The following PRSS22 variants were observed in gnomAD, a reference collection of about 807,000 sequenced individuals.
PRSS22 encodes the protein serine protease 22.
Under a neutral mutation model 28.0 loss-of-function variants are expected in PRSS22, and 26 were observed. That is an observed-to-expected ratio of 0.93 (90% CI 0.68 to 1.29). PRSS22 has a LOEUF of 1.29. PRSS22 is among the 50% of genes most tolerant of loss of function. The probability of loss-of-function intolerance (pLI) is 0.00; values close to 1 mark genes in which losing one functional copy is unlikely to be tolerated. For missense variants in PRSS22, 444 were observed against 422.1 expected, an observed-to-expected ratio of 1.05 and a Z score of -0.46; for synonymous variants, 217 against 177.9, an observed-to-expected ratio of 1.22 and a Z score of -1.75.
Position 2,858,076 on chromosome 16 carries a change from AG to A in PRSS22, c.28del (p.Leu10TrpfsTer38). On this transcript the variant is annotated frameshift_variant, in exon 1 of 6. Coordinates refer to ENST00000161006, the MANE Select transcript of PRSS22 (RefSeq NM_022119.4). LOFTEE classifies it high-confidence loss of function. The stretch of plus-strand genomic sequence containing the variant: ...GAAGGTGCCGAGACAGCCCCCACCC[AG>A]GGCTGGGGGCGCTCCAGAAACCACC... MVVSGAPPA[L>X]GGGCLGTFTS... 1 of 1,275,860 alleles carries A rather than the reference AG, an allele frequency of 7.8e-7. No individual in the cohort carries two copies. The highest frequency in any genetic ancestry group is 1.0e-6 in the Non-Finnish European group (1 of 1,003,292). The allele number at this position is 1,275,860 out of a possible 1,614,324, so 79.0% of individuals were successfully genotyped here.
At position 2,858,168 on chromosome 16, in the gene PRSS22, T is replaced by G; in HGVS notation, c.-64A>C. ...ACCCAGGGCGATGCGGGTCAGGGTG[T>G]GTAGGTTCCCTGCAGGTCGCCCCAG... On this transcript the variant is annotated 5_prime_UTR_variant, in exon 1 of 6. Transcript: ENST00000161006. 8.1e-7 allele frequency: 1 copy of G among 1,241,216 alleles called. No homozygotes were observed. 76.9% of individuals were successfully genotyped at this position (1,241,216 alleles called of 1,614,324 possible). A position where few individuals can be genotyped will look rare whatever the true frequency, so the allele number is the denominator to read the frequency against.
rs33950878 is a variant in PRSS22, at chr16:2,855,347, C to CAAAAAAAAA, written c.559+218_559+226dup. ...TGGGTGACAGAGTAACACCCTGTCT[C>CAAAAAAAAA]AAAAAAAAAAAAAAAAAAAAGAAGA... On this transcript the variant is annotated intron_variant, in intron 4 of 5. Coordinates refer to ENST00000161006, the MANE Select transcript of PRSS22 (RefSeq NM_022119.4). 9.0e-3 allele frequency among the ~76,000 whole-genome samples: 620 copies of CAAAAAAAAA among 68,948 alleles called. 41 individuals are homozygous for CAAAAAAAAA. The highest frequency in any genetic ancestry group is 0.035 in the African/African-American group (555 of 15,770). 45.2% of individuals were successfully genotyped at this position (68,948 alleles called of 152,430 possible).
At chr16:2,854,801 C>G (rs1211943822) in intron 4 of PRSS22, among the ~76,000 whole-genome samples, 1 of 152,084 alleles carries the variant, frequency 6.6e-6, no homozygotes. Context: ...TGATGTTTTC[C>G]AAACCTCCAG....
chr16:2,852,996 A>C lies in PRSS22; in HGVS notation c.*97T>G. Reference sequence around the variant, plus strand: ...CCCAGAGGTAGAGGTAGATGAGCCTATTTACGGCGGGGGAAACCGCCCGAG... The same window carrying C: ...CCCAGAGGTAGAGGTAGATGAGCCTCTTTACGGCGGGGGAAACCGCCCGAG... On this transcript the variant is annotated 3_prime_UTR_variant, in exon 6 of 6. Transcript: ENST00000161006. The C allele has an allele frequency of 2.5e-6, 2 of 812,656 alleles. No homozygotes were observed. Among genetic ancestry groups the C allele is most frequent in the Non-Finnish European group, 3.7e-6 (2 of 538,380 alleles). The allele number at this position is 812,656 out of a possible 1,614,324, so 50.3% of individuals were successfully genotyped here.
chr16:2,857,769 G>A (rs1008867175), intron 1 of PRSS22: 8 of 363,980 alleles, frequency 2.2e-5, no homozygotes, highest in Non-Finnish European at 3.9e-5. Context: ...ACACGGAGGC[G>A]AGAGGGAGCA....
Position 2,853,445 on chromosome 16 carries a change from T to A in PRSS22, c.718-116A>T. ...TTCCCGGGAGCCCGTTTCTCCTTCC[T>A]GGAGGAGACAGGACCTGAGCTCCAC... On this transcript the variant is annotated intron_variant, in intron 5 of 5. Transcript: ENST00000161006. The surrounding 1 kb of genome is among the most constrained non-coding windows in gnomAD (Gnocchi z 4.6). 1 of 832,160 alleles carries A rather than the reference T, an allele frequency of 1.2e-6. No homozygotes were observed. Among genetic ancestry groups the A allele is most frequent in the Non-Finnish European group, 1.8e-6 (1 of 541,184 alleles). The allele number at this position is 832,160 out of a possible 1,614,324, so 51.5% of individuals were successfully genotyped here.
chr16:2,855,978 A>G (rs959709255), intron 3 of PRSS22, 104 bp downstream of exon 3: 2 of 1,521,372 alleles, frequency 1.3e-6, no homozygotes, highest in African/African-American at 1.4e-5. Flanking sequence ...GGGCACCAAG[A>G]TTGAACAGAG....
chr16:2,853,740 G>T lies in PRSS22; in HGVS notation c.717+125C>A. On this transcript the variant is annotated intron_variant, in intron 5 of 5. Transcript: ENST00000161006. This position sits in a 1 kb window ranked among gnomAD's most constrained non-coding sequence, Gnocchi z 4.6. Reference sequence around the variant, plus strand: ...GCTGGTTCTATGGGGACCCGGGACTGTCAGGCACAGCCAGTTCTGGGGAGG... The same window carrying T: ...GCTGGTTCTATGGGGACCCGGGACTTTCAGGCACAGCCAGTTCTGGGGAGG... The T allele has an allele frequency of 9.0e-7, 1 of 1,106,932 alleles. No homozygotes were observed. Among genetic ancestry groups the T allele is most frequent in the Non-Finnish European group, 1.3e-6 (1 of 782,066 alleles). 68.6% of individuals were successfully genotyped at this position (1,106,932 alleles called of 1,614,324 possible).
intron 1 of PRSS22, chr16:2,857,818 C>T: frequency 2.5e-6 from 1 of 401,996 alleles, no homozygotes; most frequent in Non-Finnish European, 4.3e-6. Context: ...GACCGAGGCG[C>T]GCTGCGTACT....
At chr16:2,856,734 C>T in intron 2 of PRSS22, 88 bp downstream of exon 2, 1 of 1,461,248 alleles carries the variant, frequency 6.8e-7, no homozygotes, top group Non-Finnish European at 9.4e-7. Flanking sequence ...CCCTTTCTGA[C>T]CTGTGCCCAG....
Position 2,853,842 on chromosome 16 carries a change from G to A in PRSS22, c.717+23C>T, listed in dbSNP as rs536551659. 4.3e-6 allele frequency: 7 copies of A among 1,612,504 alleles called. No individual in the cohort carries two copies. The highest frequency in any genetic ancestry group is 5.1e-6 in the Non-Finnish European group (6 of 1,179,708). On this transcript the variant is annotated intron_variant, in intron 5 of 5. Transcript: ENST00000161006. This position sits in a 1 kb window ranked among gnomAD's most constrained non-coding sequence, Gnocchi z 4.6. ...CTTCCCGAGGCCCTCCTGGCCAGGG[G>A]TGGGGGGCTCGAGGGAGCTCACCAG...
intron 4 of PRSS22, 29 bp downstream of exon 4, chr16:2,855,545 C>T (rs2069446621): frequency 6.2e-7 from 1 of 1,612,516 alleles, no homozygotes; most frequent in Non-Finnish European, 8.5e-7. Context: ...CATCTGCCCC[C>T]AACCACCTTG....
chr16:2,855,629 G>A lies in PRSS22; in HGVS notation c.504C>T (p.His168=), dbSNP rs746106858. 6.2e-7 allele frequency: 1 copy of A among 1,614,144 alleles called. No homozygotes were observed. The highest frequency in any genetic ancestry group is 8.5e-7 in the Non-Finnish European group (1 of 1,180,026). The change falls in exon 4 of 6, where the codon CAC becomes CAT. Residue 168 remains histidine (H), a synonymous_variant. Transcript: ENST00000161006. The part of the protein sequence containing the change: ...LPICLPDASI[H]LPPNTHCWIS... ...TCCAGCAGTGGGTGTTTGGAGGGAG[G>A]TGGATAGAGGCATCAGGTAGGCAGA... is the stretch of plus-strand genomic sequence containing the variant.
chr16:2,853,838 AG>A lies in PRSS22; in HGVS notation c.717+26del, dbSNP rs1347355659. 2.5e-6 allele frequency: 4 copies of A among 1,611,884 alleles called. No individual in the cohort carries two copies. Reference sequence around the variant, plus strand: ...GCTCCTTCCCGAGGCCCTCCTGGCCAGGGGTGGGGGGCTCGAGGGAGCTCAC... The same window carrying A: ...GCTCCTTCCCGAGGCCCTCCTGGCCAGGGTGGGGGGCTCGAGGGAGCTCAC... On this transcript the variant is annotated intron_variant, in intron 5 of 5. Coordinates refer to ENST00000161006, the MANE Select transcript of PRSS22 (RefSeq NM_022119.4). The surrounding 1 kb of genome is among the most constrained non-coding windows in gnomAD (Gnocchi z 4.6).
Position 2,853,215 on chromosome 16 carries a change from G to C in PRSS22, c.832C>G (p.Leu278Val). Residue 278 changes from leucine (L) to valine (V), a missense_variant, in exon 6 of 6, where the codon CTC (leucine) becomes GTC (valine). Physicochemically the swap from Leu to Val is conservative, Grantham distance 32. Transcript: ENST00000161006. This position sits in a 1 kb window ranked among gnomAD's most constrained non-coding sequence, Gnocchi z 4.6. The stretch of plus-strand genomic sequence containing the variant: ...TCCACCCAGGAGCGGTGCGCAGAGA[G>C]GCTGATGTAGACCCCGGGCCTGTTG... ...ERNRPGVYISLSAHRSWVEKI... is the reference protein window; with the variant it reads ...ERNRPGVYISVSAHRSWVEKI... 2 of 1,600,706 alleles carry C rather than the reference G, an allele frequency of 1.2e-6. No homozygotes were observed. Among genetic ancestry groups the C allele is most frequent in the African/African-American group, 1.3e-5 (1 of 75,014 alleles).
Position 2,853,397 on chromosome 16 carries a change from C to T in PRSS22, c.718-68G>A. ...GGTGGCAGAATCCAGGGCCCGTGCC[C>T]TGTCAGGGGGCAGATGAGCCCCTTC... On this transcript the variant is annotated intron_variant, in intron 5 of 5. Transcript: ENST00000161006. This position sits in a 1 kb window ranked among gnomAD's most constrained non-coding sequence, Gnocchi z 4.6. 2 of 1,331,290 alleles carry T rather than the reference C, an allele frequency of 1.5e-6. No homozygotes were observed. The highest frequency in any genetic ancestry group is 2.1e-6 in the Non-Finnish European group (2 of 964,720). 82.5% of individuals were successfully genotyped at this position (1,331,290 alleles called of 1,614,324 possible).
rs762746753 is a variant in PRSS22, at chr16:2,853,139, G to A, written c.908C>T (p.Ala303Val). 6.9e-6 allele frequency: 11 copies of A among 1,597,324 alleles called. No homozygotes were observed. In the East Asian group the frequency reaches 2.2e-4, roughly 32 times the overall value. The stretch of plus-strand genomic sequence containing the variant: ...AGAGCCCTGGCTCGGTGCCCTGAGG[G>A]CCCCACCCCCCTGAGCGCGCCCGCG... ...QLRGRAQGGG[A>V]LRAPSQGSGA... Residue 303 changes from alanine to valine, a missense_variant, in exon 6 of 6, where the codon GCC becomes GTC. Transcript: ENST00000161006. The surrounding 1 kb of genome is among the most constrained non-coding windows in gnomAD (Gnocchi z 4.6).
chr16:2,857,052 C>G (rs1410898214), intron 1 of PRSS22: 5 of 609,052 alleles, frequency 8.2e-6, no homozygotes, highest in Non-Finnish European at 1.4e-5. Context: ...TGAGGAGGGT[C>G]CCTCAGCGCC....
At chr16:2,857,340 C>T (rs1210918940) in intron 1 of PRSS22, among the ~76,000 whole-genome samples, 5 of 141,310 alleles carry the variant, frequency 3.5e-5, no homozygotes, top group Admixed American at 3.5e-4. Flanking sequence ...GGGGTCCCAG[C>T]GCTCAGTGAG....
Sources: allele counts gnomAD v4.1 joint callset (sites outside exome capture counted in the v4.1 genomes callset), GRCh38; gene constraint gnomAD v4.1.1; non-coding constraint Gnocchi (gnomAD v3.1); transcripts MANE v1.5; gene names NCBI Gene and HGNC (gene_info 2026-07-23, HGNC 2026-07-21).